Variants in ITGB4 observed in about 807,000 individuals in gnomAD.
ITGB4 encodes integrin beta-4.
In ITGB4, 159 loss-of-function variants were observed where a neutral mutation model predicts 207.6. That is an observed-to-expected ratio of 0.77 (90% CI 0.67 to 0.87). ITGB4 has a LOEUF of 0.87. Among genes scored for constraint, ITGB4 ranks in the 40% least tolerant of loss-of-function variants. The pLI, the probability that ITGB4 is intolerant of heterozygous loss-of-function variation, is 0.00. For synonymous variants in ITGB4, 1,020 were observed against 1,062.7 expected (o/e 0.96, Z 0.78); for missense variants, 2,278 against 2,546.8 (o/e 0.89, Z 2.27).
intron 16 of ITGB4, 52 bp from the exon 17 acceptor site, chr17:75,737,270 C>T: frequency 5.1e-6 from 8 of 1,566,368 alleles, no homozygotes; most frequent in Non-Finnish European, 6.9e-6. Flanking sequence ...CCTGGGTCCT[C>T]TGGGGCGGAG....
Position 75,729,281 on chromosome 17 carries a change from C to A in ITGB4, c.583C>A (p.Pro195Thr). 6.2e-7 allele frequency: 1 copy of A among 1,614,086 alleles called. No individual in the cohort carries two copies. The highest frequency in any genetic ancestry group is 8.5e-7 in the Non-Finnish European group (1 of 1,179,992). Reference protein sequence around the residue: ...MRPEKLKEPWPNSDPPFSFKN... With the variant: ...MRPEKLKEPWTNSDPPFSFKN... ...TCTGCCCAGGCTGAAGGAGCCCTGG[C>A]CCAACAGTGACCCCCCCTTCTCCTT... is the stretch of plus-strand genomic sequence containing the variant. The change falls in exon 7 of 40, where the codon CCC becomes ACC. Residue 195 changes from proline to threonine, a missense_variant. Coordinates refer to ENST00000200181, the MANE Select transcript of ITGB4 (RefSeq NM_000213.5). The surrounding 1 kb of genome is among the most constrained non-coding windows in gnomAD (Gnocchi z 4.4).
In ITGB4 at chr17:75,731,848, G is replaced by GTGGATGC. The variant is rs1568350632; in HGVS notation, c.1258_1259insCTGGATG (p.Gly420AlafsTer36). The GTGGATGC allele has an allele frequency of 6.2e-7, 1 of 1,611,864 alleles. No individual in the cohort carries two copies. Among genetic ancestry groups the GTGGATGC allele is most frequent in the Non-Finnish European group, 8.5e-7 (1 of 1,179,156 alleles). On this transcript the variant is annotated frameshift_variant, in exon 11 of 40. Coordinates refer to ENST00000200181, the MANE Select transcript of ITGB4 (RefSeq NM_000213.5). LOFTEE classifies it high-confidence loss of function. The surrounding 1 kb of genome is among the most constrained non-coding windows in gnomAD (Gnocchi z 6.8). Reference sequence around the variant, plus strand: ...GGTGCAGCTGCGGGCCCTTGAGCACGTGGATGGGACGCACGTGTGCCAGCT... The same window carrying GTGGATGC: ...GGTGCAGCTGCGGGCCCTTGAGCACGTGGATGCTGGATGGGACGCACGTGTGCCAGCT...
rs756708391 is a variant in ITGB4 at position 75,756,510 on chromosome 17, T to C, written c.4790T>C (p.Val1597Ala). The C allele has an allele frequency of 6.2e-7, 1 of 1,613,280 alleles. No homozygotes were observed. Among genetic ancestry groups the C allele is most frequent in the South Asian group, 1.1e-5 (1 of 91,086 alleles). ...GACCTCCTGCCCAACCACTCCTACG[T>C]GTTCCGCGTGCGGGCCCAGAGCCAG... ...VEDLLPNHSY[V>A]FRVRAQSQEG... The change falls in exon 36 of 40, where the codon GTG (valine) becomes GCG (alanine). Residue 1597 changes from valine (V) to alanine (A), a missense_variant. Val to Ala is a moderately conservative substitution (Grantham distance 64, BLOSUM62 0). Coordinates refer to ENST00000200181, the MANE Select transcript of ITGB4 (RefSeq NM_000213.5).
rs374688114 is a variant in ITGB4, at chr17:75,730,911, G to A, written c.1039G>A (p.Val347Met). The change falls in exon 9 of 40, where the codon GTG becomes ATG. Residue 347 changes from valine to methionine, a missense_variant. Physicochemically the swap from Val to Met is conservative, Grantham distance 21. Coordinates refer to ENST00000200181, the MANE Select transcript of ITGB4 (RefSeq NM_000213.5). The part of the protein sequence containing the change: ...HTYFPVSSLG[V>M]LQEDSSNIVE... ...CTATTTCCCTGTCTCCTCACTGGGG[G>A]TGCTGCAGGAGGACTCGTCCAACAT... 2.0e-5 allele frequency: 33 copies of A among 1,613,734 alleles called. No homozygotes were observed. The Admixed American group carries it at 4.5e-4, about 22-fold the overall frequency.
rs1568387308 is a variant in ITGB4 at position 75,756,600 on chromosome 17, CACT to C, written c.4881_4883del (p.Leu1628del). On this transcript the variant is annotated inframe_deletion, in exon 36 of 40. Coordinates refer to ENST00000200181, the MANE Select transcript of ITGB4 (RefSeq NM_000213.5). ...GAATCCCAGGTGCACCCGCAGAGCC[CACT>C]GTGTCCCCTGCCAGGTGAGTTGCCT... The C allele has an allele frequency of 6.2e-7, 1 of 1,612,852 alleles. No individual in the cohort carries two copies.
chr17:75,749,149 G>A (rs1349542400), intron 27 of ITGB4, 104 bp downstream of exon 27: 1 of 903,748 alleles, frequency 1.1e-6, no homozygotes, highest in Non-Finnish European at 1.7e-6. Context: ...AGGACGCCCA[G>A]GTAAATCTGA....
Position 75,733,802 on chromosome 17 carries a change from C to T in ITGB4, c.1657+110C>T, listed in dbSNP as rs932509393. 15 of 1,254,778 alleles carry T rather than the reference C, an allele frequency of 1.2e-5. No homozygotes were observed. In the African/African-American group the frequency reaches 1.5e-4, roughly 12 times the overall value. 77.7% of individuals were successfully genotyped at this position (1,254,778 alleles called of 1,614,324 possible). ...GAGAGCCAGACTTGGAATCAGAATCCCCAAGTTCAGGCCCAGCCCACTCTG... is the reference window on the plus strand; with the variant it reads ...GAGAGCCAGACTTGGAATCAGAATCTCCAAGTTCAGGCCCAGCCCACTCTG... On this transcript the variant is annotated intron_variant, in intron 13 of 39. Transcript: ENST00000200181.
intron 18 of ITGB4, among the ~76,000 whole-genome samples, chr17:75,738,337 T>C (rs1475954367): frequency 1.3e-5 from 2 of 152,162 alleles, no homozygotes; most frequent in African/African-American, 4.8e-5. Flanking sequence ...CGTTCTCTGC[T>C]TAGCTCAGTG....
In ITGB4 at chr17:75,729,180, C is replaced by A; in HGVS notation, c.567-85C>A. The stretch of plus-strand genomic sequence containing the variant: ...TCTCAAAAAAAAAAAAAAAAATTCT[C>A]CTTCTAGTTGAAACGAGCCAGGGGC... On this transcript the variant is annotated intron_variant, in intron 6 of 39. Transcript: ENST00000200181. The surrounding 1 kb of genome is among the most constrained non-coding windows in gnomAD (Gnocchi z 4.4). 2 of 1,247,774 alleles carry A rather than the reference C, an allele frequency of 1.6e-6. No homozygotes were observed. Among genetic ancestry groups the A allele is most frequent in the Non-Finnish European group, 2.2e-6 (2 of 890,138 alleles). 77.3% of individuals were successfully genotyped at this position (1,247,774 alleles called of 1,614,324 possible). A position where few individuals can be genotyped will look rare whatever the true frequency, so the allele number is the denominator to read the frequency against.
chr17:75,733,356 A>T (rs2060903750), intron 12 of ITGB4, 134 bp from the exon 13 acceptor site: 1 of 667,006 alleles, frequency 1.5e-6, no homozygotes, highest in Non-Finnish European at 2.3e-6. Context: ...ACTGCACTCC[A>T]GCCTGGGCGA....
chr17:75,730,965 G>A lies in ITGB4; in HGVS notation c.1092+1G>A, dbSNP rs772503431. 1 of 1,612,170 alleles carries A rather than the reference G, an allele frequency of 6.2e-7. No individual in the cohort carries two copies. Among genetic ancestry groups the A allele is most frequent in the Non-Finnish European group, 8.5e-7 (1 of 1,178,540 alleles). On this transcript the variant is annotated splice_donor_variant, in intron 9 of 39. Transcript: ENST00000200181. LOFTEE classifies it high-confidence loss of function. ...GGAGCTGCTGGAGGAGGCCTTCAATGTGAGGGCAGCTCAGGCTCCAGAGTC... is the reference window on the plus strand; with the variant it reads ...GGAGCTGCTGGAGGAGGCCTTCAATATGAGGGCAGCTCAGGCTCCAGAGTC...
Position 75,750,950 on chromosome 17 carries a change from C to T in ITGB4, c.3656-24C>T, listed in dbSNP as rs1302384099. On this transcript the variant is annotated intron_variant, in intron 29 of 39. Transcript: ENST00000200181. This position sits in a 1 kb window ranked among gnomAD's most constrained non-coding sequence, Gnocchi z 5.5. ...CCCTCCCTCTGCCACTGACAGCACT[C>T]TTCCTGTATTCCCCGCTCCCTAGTG... is the stretch of plus-strand genomic sequence containing the variant. 7 of 1,613,464 alleles carry T rather than the reference C, an allele frequency of 4.3e-6. No individual in the cohort carries two copies. Among genetic ancestry groups the T allele is most frequent in the Non-Finnish European group, 5.9e-6 (7 of 1,180,016 alleles).
At position 75,757,722 on chromosome 17, in the gene ITGB4, C is replaced by T. The variant is rs750914612; in HGVS notation, c.*167C>T. The T allele has an allele frequency of 5.7e-6, 5 of 882,580 alleles. No individual in the cohort carries two copies. Among genetic ancestry groups the T allele is most frequent in the South Asian group, 4.4e-5 (3 of 68,056 alleles). 54.7% of individuals were successfully genotyped at this position (882,580 alleles called of 1,614,324 possible). A position where few individuals can be genotyped will look rare whatever the true frequency, so the allele number is the denominator to read the frequency against. On this transcript the variant is annotated 3_prime_UTR_variant, in exon 40 of 40. Transcript: ENST00000200181. ...GAGGCATGAAGGGGGCAAGGTCCGT[C>T]CTCTGTGGGCCCAAACCTATTTGTA...
chr17:75,740,344 C>A lies in ITGB4; in HGVS notation c.2447-14C>A, dbSNP rs1357592123. 2 of 1,609,100 alleles carry A rather than the reference C, an allele frequency of 1.2e-6. No homozygotes were observed. The highest frequency in any genetic ancestry group is 1.1e-5 in the South Asian group (1 of 90,386). On this transcript the variant is annotated splice_polypyrimidine_tract_variant and intron_variant, in intron 20 of 39. Coordinates refer to ENST00000200181, the MANE Select transcript of ITGB4 (RefSeq NM_000213.5). This position sits in a 1 kb window ranked among gnomAD's most constrained non-coding sequence, Gnocchi z 5.9. Reference sequence around the variant, plus strand: ...ACCACCTCCATCTCACCCCCTCCCACCGCCTTTCCTTAGTGCCCTACGGGC... The same window carrying A: ...ACCACCTCCATCTCACCCCCTCCCAACGCCTTTCCTTAGTGCCCTACGGGC...
Position 75,732,046 on chromosome 17 carries a change from G to A in ITGB4, c.1377+73G>A, listed in dbSNP as rs188704955. 9,555 of 1,610,548 alleles carry A rather than the reference G, an allele frequency of 5.9e-3. 41 individuals carry two copies. Among genetic ancestry groups the A allele is most frequent in the Non-Finnish European group, 7.2e-3 (8,418 of 1,177,342 alleles). Reference sequence around the variant, plus strand: ...CCAGGGACCCTGAGGAATGAAGCAGGACTCCTGTGCCCCATATCCCTTGTG... The same window carrying A: ...CCAGGGACCCTGAGGAATGAAGCAGAACTCCTGTGCCCCATATCCCTTGTG... On this transcript the variant is annotated intron_variant, in intron 11 of 39. Transcript: ENST00000200181. This position sits in a 1 kb window ranked among gnomAD's most constrained non-coding sequence, Gnocchi z 5.3.
In ITGB4 at chr17:75,737,645, G is replaced by T; in HGVS notation, c.2220+1G>T. Reference sequence around the variant, plus strand: ...CTGGAAGTACTGTGCCTGCTGCAAGGTGAGCACCCAGGGTGCCTCCCAAGG... The same window carrying T: ...CTGGAAGTACTGTGCCTGCTGCAAGTTGAGCACCCAGGGTGCCTCCCAAGG... On this transcript the variant is annotated splice_donor_variant, in intron 18 of 39. Transcript: ENST00000200181. LOFTEE classifies it high-confidence loss of function. 1 of 1,612,348 alleles carries T rather than the reference G, an allele frequency of 6.2e-7. No homozygotes were observed. Among genetic ancestry groups the T allele is most frequent in the Non-Finnish European group, 8.5e-7 (1 of 1,179,692 alleles).
intron 23 of ITGB4, 85 bp downstream of exon 23, chr17:75,741,090 C>G: frequency 6.9e-7 from 1 of 1,452,636 alleles, no homozygotes; most frequent in Non-Finnish European, 9.5e-7. Context: ...CGTCCCTACT[C>G]CATCTCCATC....
In ITGB4 at chr17:75,732,180, A is replaced by G. The variant is rs914909968; in HGVS notation, c.1395A>G (p.Ser465=). The part of the protein sequence containing the change: ...CTCELQKEVR[S]ARCSFNGDFV... ...CATTCCAGCAAAAAGAGGTGCGGTC[A>G]GCTCGCTGCAGCTTCAACGGAGACT... The change falls in exon 12 of 40, where the codon TCA becomes TCG. Residue 465 remains serine (S), a synonymous_variant. Coordinates refer to ENST00000200181, the MANE Select transcript of ITGB4 (RefSeq NM_000213.5). The surrounding 1 kb of genome is among the most constrained non-coding windows in gnomAD (Gnocchi z 5.3). 2.5e-6 allele frequency: 4 copies of G among 1,614,146 alleles called. No homozygotes were observed. The highest frequency in any genetic ancestry group is 3.3e-4 in the Middle Eastern group (2 of 6,062).
chr17:75,755,948 A>C lies in ITGB4; in HGVS notation c.4708+98A>C. The C allele has an allele frequency of 2.1e-6, 3 of 1,432,628 alleles. No individual in the cohort carries two copies. The East Asian group carries it at 7.4e-5, about 35-fold the overall frequency. The allele number at this position is 1,432,628 out of a possible 1,614,324, so 88.7% of individuals were successfully genotyped here. ...CCTCAGCTGTGTCAGGAACCCACCC[A>C]AGTCCCTTGAGCGCTAAAGCCCCCA... On this transcript the variant is annotated intron_variant, in intron 35 of 39. Transcript: ENST00000200181.
Sources: gnomAD v4.1 joint callset for allele counts (sites outside exome capture counted in the v4.1 genomes callset) on GRCh38, gnomAD v4.1.1 for gene constraint, Gnocchi (gnomAD v3.1) non-coding constraint, MANE v1.5 for transcripts, NCBI Gene and HGNC (gene_info 2026-07-23, HGNC 2026-07-21) for gene names.